Variants in PDE4D observed in about 807,000 individuals in gnomAD.
PDE4D encodes phosphodiesterase 4D, also known as 3',5'-cyclic-AMP phosphodiesterase 4D.
In PDE4D, 24 loss-of-function variants were observed where a neutral mutation model predicts 87.4. The ratio of observed to expected loss-of-function variants is 0.27; its 90% CI spans 0.20 to 0.39. The LOEUF is 0.39. PDE4D is among the 10% of genes least tolerant of loss of function. The pLI is 1.00. For synonymous variants in PDE4D, 384 were observed against 383.2 expected (o/e 1.00, Z -0.02); for missense variants, 714 against 1,041.0 (o/e 0.69, Z 4.32).
intron 3 of PDE4D, among the ~76,000 whole-genome samples, chr5:59,186,952 TTA>T (rs1448350488): frequency 2.0e-5 from 3 of 152,314 alleles, no homozygotes; most frequent in African/African-American, 7.2e-5. Flanking sequence ...CAGGCTTAAT[TTA>T]TGTTTTAAGA....
intron 1 of PDE4D, among the ~76,000 whole-genome samples, chr5:60,442,471 A>T (rs1745312128): frequency 6.6e-6 from 1 of 151,820 alleles, no homozygotes. Context: ...GGGATAGAGG[A>T]AATACCTAAT....
intron 5 of PDE4D, among the ~76,000 whole-genome samples, chr5:59,109,002 T>TGG (rs1491428114): frequency 7.2e-4 from 103 of 143,364 alleles, no homozygotes; most frequent in African/African-American, 2.6e-3. Context: ...TGTGTGTGTG[T>TGG]GGTGTAGGCC....
intron 1 of PDE4D, among the ~76,000 whole-genome samples, chr5:59,317,913 C>A (rs1341651510): frequency 6.6e-6 from 1 of 152,134 alleles, no homozygotes; most frequent in Non-Finnish European, 1.5e-5. Context: ...TCAATTGTTC[C>A]TCAAACCAAA....
At chr5:59,252,026 G>A (rs1760062410) in intron 1 of PDE4D, among the ~76,000 whole-genome samples, 1 of 152,106 alleles carries the variant, frequency 6.6e-6, no homozygotes, top group South Asian at 2.1e-4. Context: ...TACTTGATCA[G>A]GGAGGGTGGG....
At chr5:59,857,049 C>T (rs932456130) in intron 1 of PDE4D, among the ~76,000 whole-genome samples, 5 of 152,110 alleles carry the variant, frequency 3.3e-5, no homozygotes, top group Admixed American at 6.6e-5. Context: ...ACAATCTCTT[C>T]GTCATCTGCC....
chr5:59,512,844 T>C (rs1810499778), intron 1 of PDE4D, among the ~76,000 whole-genome samples: 1 of 152,122 alleles, frequency 6.6e-6, no homozygotes, highest in Non-Finnish European at 1.5e-5. Context: ...AAGTATAAAG[T>C]AATACCAAGG....
chr5:60,354,175 G>A (rs1392237105), intron 1 of PDE4D, among the ~76,000 whole-genome samples: 1 of 152,088 alleles, frequency 6.6e-6, no homozygotes, highest in Middle Eastern at 3.2e-3. Context: ...AGAAAATGGG[G>A]GAAAGGAGGT....
intron 1 of PDE4D, among the ~76,000 whole-genome samples, chr5:59,729,901 C>A (rs891493872): frequency 1.3e-5 from 2 of 152,046 alleles, no homozygotes; most frequent in African/African-American, 4.8e-5. Context: ...AAGTCAGACA[C>A]CTTAAAAATG....
chr5:60,012,339 ACT>A (rs1166330592), intron 2 of PDE4D, among the ~76,000 whole-genome samples: 1 of 152,036 alleles, frequency 6.6e-6, no homozygotes, highest in Admixed American at 6.5e-5. Context: ...TAATCAAGAA[ACT>A]CTACTTTTCT....
chr5:59,440,928 A>G (rs115786878), intron 1 of PDE4D, among the ~76,000 whole-genome samples: 164 of 152,318 alleles, frequency 1.1e-3, no homozygotes, highest in African/African-American at 3.6e-3. Flanking sequence ...TGGTATGCTT[A>G]TCTTTGAGCA....
intron 2 of PDE4D, among the ~76,000 whole-genome samples, chr5:60,065,375 A>G (rs1279317830): frequency 1.3e-4 from 20 of 151,910 alleles, no homozygotes; most frequent in Non-Finnish European, 1.2e-4. Context: ...ATTCTATATT[A>G]CATCTTATTG....
intron 1 of PDE4D, among the ~76,000 whole-genome samples, chr5:60,363,486 C>T (rs1760259814): frequency 6.6e-6 from 1 of 152,198 alleles, no homozygotes; most frequent in Non-Finnish European, 1.5e-5. Context: ...TACTTTTGAG[C>T]ACTCACTTCA....
chr5:60,232,469 C>T (rs2149629828), intron 1 of PDE4D, among the ~76,000 whole-genome samples: 1 of 151,956 alleles, frequency 6.6e-6, no homozygotes, highest in Non-Finnish European at 1.5e-5. Flanking sequence ...CAGTCTCTCA[C>T]ATGTTGGTAA....
intron 3 of PDE4D, among the ~76,000 whole-genome samples, chr5:59,931,120 A>C (rs1755864569): frequency 6.6e-6 from 1 of 152,242 alleles, no homozygotes. Flanking sequence ...TATGAATTTT[A>C]ATCAAAGCAA....
At chr5:59,440,139 C>G (rs1797379442) in intron 1 of PDE4D, among the ~76,000 whole-genome samples, 1 of 152,072 alleles carries the variant, frequency 6.6e-6, no homozygotes, top group Non-Finnish European at 1.5e-5. Flanking sequence ...TACGTTATCA[C>G]TAGATAATTT....
At chr5:59,864,202 G>T (rs966490076) in intron 1 of PDE4D, among the ~76,000 whole-genome samples, 1 of 152,116 alleles carries the variant, frequency 6.6e-6, no homozygotes, top group African/African-American at 2.4e-5. Flanking sequence ...TGGAGTCCAG[G>T]GGATGCTGAG....
At chr5:59,197,815 C>CA (rs1022438641) in intron 2 of PDE4D, among the ~76,000 whole-genome samples, 2 of 152,054 alleles carry the variant, frequency 1.3e-5, no homozygotes, top group African/African-American at 4.8e-5. Flanking sequence ...CACATATGCT[C>CA]AAAAAAATCC....
chr5:60,308,186 A>C (rs903403022), intron 1 of PDE4D, among the ~76,000 whole-genome samples: 1 of 152,268 alleles, frequency 6.6e-6, no homozygotes, highest in East Asian at 1.9e-4. Flanking sequence ...TTGAGAAAAA[A>C]GAGAATACAA....
At chr5:60,013,858 A>G (rs2152846721) in intron 2 of PDE4D, among the ~76,000 whole-genome samples, 1 of 141,720 alleles carries the variant, frequency 7.1e-6, no homozygotes, top group South Asian at 2.2e-4. Context: ...GTCAGCCTCC[A>G]TATAAAAAAT....
Sources: gnomAD v4.1 joint callset for allele counts (sites outside exome capture counted in the v4.1 genomes callset) on GRCh38, gnomAD v4.1.1 for gene constraint, MANE v1.5 for transcripts, NCBI Gene and HGNC (gene_info 2026-07-23, HGNC 2026-07-21) for gene names.